The following ABHD13 variants were observed in gnomAD, a reference collection of about 807,000 sequenced individuals.
ABHD13 encodes the protein abhydrolase domain containing 13.
ABHD13 carries 7 observed loss-of-function variants against 25.2 expected under a neutral mutation model. The observed-to-expected ratio is 0.28, with a 90% CI of 0.16 to 0.52. The LOEUF (loss-of-function observed/expected upper bound fraction) is 0.52, where lower values mean the gene tolerates loss of function less well. Ranked by LOEUF, ABHD13 falls within the 20% of genes least tolerant of loss-of-function variation. The pLI is 0.96. For synonymous variants in ABHD13, 133 were observed against 136.1 expected (o/e 0.98, Z 0.16); for missense variants, 302 against 402.7 (o/e 0.75, Z 2.14).
In ABHD13 at chr13:108,229,337, A is replaced by G; in HGVS notation, c.119A>G (p.Tyr40Cys). ...CCTTTAATAGTGACTTTTCATCTGT[A>G]TGGAGGCATTATCTTACTTTTGTTA... ...LLPLIVTFHL[Y>C]GGIILLLLIF... The change falls in exon 2 of 2, where the codon TAT becomes TGT. Residue 40 changes from tyrosine (Y) to cysteine (C), a missense_variant. Tyr to Cys is a radical substitution (Grantham distance 194). Transcript: ENST00000375898. This position sits in a 1 kb window ranked among gnomAD's most constrained non-coding sequence, Gnocchi z 4.7. 4.3e-6 allele frequency: 7 copies of G among 1,612,908 alleles called. No homozygotes were observed. The highest frequency in any genetic ancestry group is 5.9e-6 in the Non-Finnish European group (7 of 1,179,286).
chr13:108,229,551 A>G lies in ABHD13; in HGVS notation c.333A>G (p.Ser111=). The G allele has an allele frequency of 6.2e-7, 1 of 1,613,358 alleles. No individual in the cohort carries two copies. The highest frequency in any genetic ancestry group is 8.5e-7 in the Non-Finnish European group (1 of 1,179,560). ...TGATACGATACACTGGAGACAATTC[A>G]CCCTATTCCCCAACTATAATTTATT... ...LILIRYTGDN[S]PYSPTIIYFH... The change falls in exon 2 of 2, where the codon TCA becomes TCG. Residue 111 remains serine (S), a synonymous_variant. Transcript: ENST00000375898. The surrounding 1 kb of genome is among the most constrained non-coding windows in gnomAD (Gnocchi z 4.7).
Position 108,230,379 on chromosome 13 carries a change from A to G in ABHD13, c.*147A>G, listed in dbSNP as rs1451353806. The G allele has an allele frequency of 3.0e-6, 2 of 664,934 alleles. No homozygotes were observed. The highest frequency in any genetic ancestry group is 4.9e-6 in the Non-Finnish European group (2 of 409,650). 41.2% of individuals were successfully genotyped at this position (664,934 alleles called of 1,614,324 possible). A position where few individuals can be genotyped will look rare whatever the true frequency, so the allele number is the denominator to read the frequency against. On this transcript the variant is annotated 3_prime_UTR_variant, in exon 2 of 2. Transcript: ENST00000375898. ...TCACTGCTCCTTTACGATATTCCAA[A>G]TAGTTTTTTACATTGGAAAAACTAA...
In ABHD13 at chr13:108,234,178, T is replaced by A. The variant is rs909344776; in HGVS notation, c.*3946T>A. 1 of 166,984 alleles carries A rather than the reference T, an allele frequency of 6.0e-6. No individual in the cohort carries two copies. Among genetic ancestry groups the A allele is most frequent in the Non-Finnish European group, 1.5e-5 (1 of 68,018 alleles). 10.3% of individuals were successfully genotyped at this position (166,984 alleles called of 1,614,324 possible). ...ACATTTGTTTTTTACAATAAATTTCTTTTAAAATATACTTTCTATTTTTCT... is the reference window on the plus strand; with the variant it reads ...ACATTTGTTTTTTACAATAAATTTCATTTAAAATATACTTTCTATTTTTCT... On this transcript the variant is annotated 3_prime_UTR_variant, in exon 2 of 2. Coordinates refer to ENST00000375898, the MANE Select transcript of ABHD13 (RefSeq NM_032859.3).
At chr13:108,220,167 C>T (rs1879530772) in intron 1 of ABHD13, among the ~76,000 whole-genome samples, 1 of 152,110 alleles carries the variant, frequency 6.6e-6, no homozygotes, top group South Asian at 2.1e-4. Flanking sequence ...CTTAACAGAC[C>T]ATGACTCAAA....
intron 1 of ABHD13, among the ~76,000 whole-genome samples, chr13:108,226,881 C>T (rs139472414): frequency 1.3e-5 from 2 of 152,132 alleles, no homozygotes; most frequent in East Asian, 1.9e-4. Context: ...AGATTATTAG[C>T]AAGTGGGGTT....
At chr13:108,228,372 C>T (rs892336295) in intron 1 of ABHD13, among the ~76,000 whole-genome samples, 1 of 151,716 alleles carries the variant, frequency 6.6e-6, no homozygotes, top group Non-Finnish European at 1.5e-5. Context: ...TCTATTGACC[C>T]CAGGACGTGA....
chr13:108,219,062 A>G (rs1018023337), intron 1 of ABHD13, among the ~76,000 whole-genome samples: 1 of 152,102 alleles, frequency 6.6e-6, no homozygotes, highest in African/African-American at 2.4e-5. Flanking sequence ...TAAGATCCCT[A>G]AAATCCAACC....
intron 1 of ABHD13, among the ~76,000 whole-genome samples, chr13:108,227,468 T>C (rs1009592754): frequency 6.6e-6 from 1 of 152,086 alleles, no homozygotes; most frequent in African/African-American, 2.4e-5. Context: ...AAAATAACTT[T>C]TCAAAGTTCA....
At position 108,230,392 on chromosome 13, in the gene ABHD13, T is replaced by TG; in HGVS notation, c.*160_*161insG. 2 of 612,332 alleles carry TG rather than the reference T, an allele frequency of 3.3e-6. No homozygotes were observed. The highest frequency in any genetic ancestry group is 2.6e-5 in the South Asian group (1 of 37,988). The allele number at this position is 612,332 out of a possible 1,614,324, so 37.9% of individuals were successfully genotyped here. ...ACGATATTCCAAATAGTTTTTTACA[T>TG]TGGAAAAACTAATTCTTGGGATTCT... On this transcript the variant is annotated 3_prime_UTR_variant, in exon 2 of 2. Transcript: ENST00000375898.
chr13:108,221,391 T>C (rs115273902), intron 1 of ABHD13, among the ~76,000 whole-genome samples: 2 of 152,190 alleles, frequency 1.3e-5, no homozygotes, highest in Non-Finnish European at 1.5e-5. Flanking sequence ...GAGATTGATA[T>C]AAGAATACTG....
Position 108,221,249 on chromosome 13 carries a change from G to T in ABHD13, c.-21+2590G>T, listed in dbSNP as rs145613464. Among the ~76,000 whole-genome samples the T allele has an allele frequency of 4.6e-5, 7 of 152,302 alleles. No individual in the cohort carries two copies. The East Asian group carries it at 1.3e-3, about 29-fold the overall frequency. The stretch of plus-strand genomic sequence containing the variant: ...ACTTTTTCATTATTGATGGCATGTG[G>T]GTAACCATTAGGGAAATAGATAATT... On this transcript the variant is annotated intron_variant, in intron 1 of 1. Transcript: ENST00000375898.
chr13:108,221,259 A>G (rs973730384), intron 1 of ABHD13, among the ~76,000 whole-genome samples: 1 of 152,262 alleles, frequency 6.6e-6, no homozygotes, highest in African/African-American at 2.4e-5. Context: ...GGTAACCATT[A>G]GGGAAATAGA....
rs565218252 is a variant in ABHD13, at chr13:108,233,790, G to T, written c.*3558G>T. The T allele has an allele frequency of 2.4e-5, 4 of 166,600 alleles. No individual in the cohort carries two copies. Among genetic ancestry groups the T allele is most frequent in the Non-Finnish European group, 5.9e-5 (4 of 67,906 alleles). The allele number at this position is 166,600 out of a possible 1,614,324, so 10.3% of individuals were successfully genotyped here. On this transcript the variant is annotated 3_prime_UTR_variant, in exon 2 of 2. Coordinates refer to ENST00000375898, the MANE Select transcript of ABHD13 (RefSeq NM_032859.3). Reference sequence around the variant, plus strand: ...GATAAATGCAGTCATCTTAATACTAGTCTATACATTTTTGCCAAATGGCGC... The same window carrying T: ...GATAAATGCAGTCATCTTAATACTATTCTATACATTTTTGCCAAATGGCGC...
In ABHD13 at chr13:108,231,766, T is replaced by TG. The variant is rs1399596352; in HGVS notation, c.*1536dup. On this transcript the variant is annotated 3_prime_UTR_variant, in exon 2 of 2. Coordinates refer to ENST00000375898, the MANE Select transcript of ABHD13 (RefSeq NM_032859.3). ...CTTGACCTTAATTTAAAACTTTCAA[T>TG]GGAGATAGGGCTAGAAATACTTTTG... 2 of 166,814 alleles carry TG rather than the reference T, an allele frequency of 1.2e-5. No individual in the cohort carries two copies. Among genetic ancestry groups the TG allele is most frequent in the Non-Finnish European group, 2.9e-5 (2 of 67,940 alleles). 10.3% of individuals were successfully genotyped at this position (166,814 alleles called of 1,614,324 possible).
intron 1 of ABHD13, among the ~76,000 whole-genome samples, chr13:108,219,466 G>A (rs963017143): frequency 6.6e-6 from 1 of 152,144 alleles, no homozygotes; most frequent in Non-Finnish European, 1.5e-5. Context: ...ACGGGAGGGG[G>A]TTCGTGGATC....
rs371381537 is a variant in ABHD13 at position 108,230,435 on chromosome 13, A to C, written c.*203A>C. 1.2e-5 allele frequency: 6 copies of C among 514,822 alleles called. No individual in the cohort carries two copies. Among genetic ancestry groups the C allele is most frequent in the African/African-American group, 7.8e-5 (4 of 51,168 alleles). The allele number at this position is 514,822 out of a possible 1,614,324, so 31.9% of individuals were successfully genotyped here. ...GGGATTCTTTCATACATTTTCATCA[A>C]AACTTTCAGTGTGATTATGTATTCA... is the stretch of plus-strand genomic sequence containing the variant. On this transcript the variant is annotated 3_prime_UTR_variant, in exon 2 of 2. Transcript: ENST00000375898.
rs961501777 is a variant in ABHD13, at chr13:108,233,191, A to G, written c.*2959A>G. On this transcript the variant is annotated 3_prime_UTR_variant, in exon 2 of 2. Transcript: ENST00000375898. Reference sequence around the variant, plus strand: ...TAGATTACAGCTTTGGTAATATGTCACTGGAGTAATTACGCTGTAATACCT... The same window carrying G: ...TAGATTACAGCTTTGGTAATATGTCGCTGGAGTAATTACGCTGTAATACCT... 1 of 166,834 alleles carries G rather than the reference A, an allele frequency of 6.0e-6. No homozygotes were observed. Among genetic ancestry groups the G allele is most frequent in the African/African-American group, 2.4e-5 (1 of 41,440 alleles). 10.3% of individuals were successfully genotyped at this position (166,834 alleles called of 1,614,324 possible).
chr13:108,230,358 T>G lies in ABHD13; in HGVS notation c.*126T>G. ...ACATTAAACTTTGAAAGGACTTCAC[T>G]GCTCCTTTACGATATTCCAAATAGT... On this transcript the variant is annotated 3_prime_UTR_variant, in exon 2 of 2. Coordinates refer to ENST00000375898, the MANE Select transcript of ABHD13 (RefSeq NM_032859.3). 1.3e-6 allele frequency: 1 copy of G among 771,772 alleles called. No individual in the cohort carries two copies. Among genetic ancestry groups the G allele is most frequent in the Non-Finnish European group, 2.0e-6 (1 of 494,752 alleles). 47.8% of individuals were successfully genotyped at this position (771,772 alleles called of 1,614,324 possible). A position where few individuals can be genotyped will look rare whatever the true frequency, so the allele number is the denominator to read the frequency against.
chr13:108,219,469 C>CGTGGATCAATACTTATTT (rs1879496847), intron 1 of ABHD13, among the ~76,000 whole-genome samples: 2 of 151,986 alleles, frequency 1.3e-5, no homozygotes, highest in African/African-American at 4.8e-5. Context: ...GGAGGGGGTT[C>CGTGGATCAATACTTATTT]GTGGATCAAT....
Sources: allele counts gnomAD v4.1 joint callset (sites outside exome capture counted in the v4.1 genomes callset), GRCh38; gene constraint gnomAD v4.1.1; non-coding constraint Gnocchi (gnomAD v3.1); transcripts MANE v1.5; gene names NCBI Gene and HGNC (gene_info 2026-07-23, HGNC 2026-07-21).